PCSK5: variants seen among roughly 807,000 people sequenced by gnomAD.
The protein encoded by PCSK5 is proprotein convertase subtilisin/kexin type 5, also known as prohormone convertase 5.
Under a neutral mutation model 233.2 loss-of-function variants are expected in PCSK5, and 129 were observed. The observed-to-expected ratio is 0.55, with a 90% CI of 0.48 to 0.64. The LOEUF is 0.64. PCSK5 is among the 30% of genes least tolerant of loss of function. The pLI, the probability that PCSK5 is intolerant of heterozygous loss-of-function variation, is 0.00. For synonymous variants in PCSK5, 825 were observed against 879.2 expected (o/e 0.94, Z 1.09); for missense variants, 2,076 against 2,430.1 (o/e 0.85, Z 3.06).
intron 3 of PCSK5, among the ~76,000 whole-genome samples, chr9:75,994,400 C>CTTTTTTTTTTTTTTTTTT (rs550518074): frequency 3.2e-4 from 26 of 82,050 alleles, no homozygotes; most frequent in Non-Finnish European, 4.1e-4. Flanking sequence ...TTCTTTCTTT[C>CTTTTTTTTTTTTTTTTTT]TTTTTTTTTT....
chr9:75,893,367 G>C (rs1477744141), intron 1 of PCSK5, among the ~76,000 whole-genome samples: 1 of 152,048 alleles, frequency 6.6e-6, no homozygotes, highest in Non-Finnish European at 1.5e-5. Flanking sequence ...CTGCCTTTTA[G>C]GGAACCCTTC....
At chr9:76,189,067 G>C in intron 18 of PCSK5, 27 bp from the exon 19 acceptor site, 1 of 1,607,896 alleles carries the variant, frequency 6.2e-7, no homozygotes, top group East Asian at 2.2e-5. Flanking sequence ...TTTATTTCTC[G>C]TTTCCTGTGT....
chr9:76,046,710 G>A lies in PCSK5; in HGVS notation c.632+19673G>A, dbSNP rs189748611. Among the ~76,000 whole-genome samples the A allele has an allele frequency of 1.4e-3, 213 of 150,922 alleles. 1 individual carries two copies. Among genetic ancestry groups the A allele is most frequent in the African/African-American group, 4.9e-3 (200 of 41,096 alleles). ...TGAGTAGCTGGGACTACAGGCACCC[G>A]CCACTACTCCCGGCCAATTTTTTGT... On this transcript the variant is annotated intron_variant, in intron 5 of 37. Transcript: ENST00000674117.
intron 9 of PCSK5, among the ~76,000 whole-genome samples, chr9:76,125,165 C>T (rs1330399327): frequency 2.0e-5 from 3 of 151,832 alleles, no homozygotes; most frequent in Non-Finnish European, 4.4e-5. Flanking sequence ...TATGTCCTTG[C>T]TCTGCTTAGC....
chr9:76,252,427 G>A (rs1826841299), intron 24 of PCSK5, among the ~76,000 whole-genome samples: 1 of 152,172 alleles, frequency 6.6e-6, no homozygotes, highest in Admixed American at 6.5e-5. Context: ...CAGTGACACT[G>A]TTCTTCATAG....
chr9:76,321,888 C>T (rs1573854), intron 31 of PCSK5, among the ~76,000 whole-genome samples: 52,507 of 152,038 alleles, frequency 0.35, 9,473 homozygotes, highest in African/African-American at 0.43. Context: ...TATGTACACA[C>T]ACAGCAGATG....
intron 24 of PCSK5, among the ~76,000 whole-genome samples, chr9:76,280,000 A>T (rs1183454992): frequency 2.0e-5 from 3 of 152,022 alleles, no homozygotes; most frequent in African/African-American, 7.2e-5. Flanking sequence ...TGCCTAGCAC[A>T]TGTTGCATTT....
intron 24 of PCSK5, among the ~76,000 whole-genome samples, chr9:76,250,881 T>C (rs1826779749): frequency 6.6e-6 from 1 of 152,342 alleles, no homozygotes; most frequent in Middle Eastern, 3.4e-3. Context: ...GTTGGAGTGA[T>C]TGCATGACTA....
At chr9:76,248,136 A>G (rs1285556737) in intron 24 of PCSK5, among the ~76,000 whole-genome samples, 3 of 151,848 alleles carry the variant, frequency 2.0e-5, no homozygotes, top group Non-Finnish European at 2.9e-5. Context: ...CACTATACTT[A>G]CCAGGCTGGT....
intron 3 of PCSK5, among the ~76,000 whole-genome samples, chr9:75,989,396 A>T (rs2131399856): frequency 6.6e-6 from 1 of 152,102 alleles, no homozygotes; most frequent in East Asian, 1.9e-4. Context: ...TGGGAGGCTG[A>T]GGTGGGAAGA....
intron 20 of PCSK5, among the ~76,000 whole-genome samples, chr9:76,218,120 C>G (rs1168819724): frequency 6.6e-6 from 1 of 152,148 alleles, no homozygotes; most frequent in African/African-American, 2.4e-5. Flanking sequence ...TGATGAAACT[C>G]TGCTGGGGAA....
intron 26 of PCSK5, 62 bp downstream of exon 26, chr9:76,295,473 G>C (rs1828410904): frequency 1.3e-6 from 2 of 1,489,772 alleles, no homozygotes. Context: ...ACACAGTCGG[G>C]GCCACAGGAG....
chr9:76,323,075 C>A lies in PCSK5; in HGVS notation c.4126C>A (p.His1376Asn). The A allele has an allele frequency of 6.2e-7, 1 of 1,605,088 alleles. No homozygotes were observed. The highest frequency in any genetic ancestry group is 8.5e-7 in the Non-Finnish European group (1 of 1,175,358). The change falls in exon 32 of 38, where the codon CAC becomes AAC. Residue 1376 changes from histidine to asparagine, a missense_variant. Coordinates refer to ENST00000674117, the MANE Select transcript of PCSK5 (RefSeq NM_001372043.1). ...AGAGTGCACGCCTGAGTTCTTCCTG[C>A]ACGATGATATGTGCCACCAGTCCTG... ...CKECTPEFFLHDDMCHQSCPR... is the reference protein window; with the variant it reads ...CKECTPEFFLNDDMCHQSCPR...
intron 36 of PCSK5, among the ~76,000 whole-genome samples, chr9:76,352,516 A>G (rs986769046): frequency 6.6e-5 from 10 of 152,058 alleles, no homozygotes; most frequent in African/African-American, 2.4e-4. Flanking sequence ...AATGCTTCTG[A>G]CCACGATGCC....
intron 1 of PCSK5, among the ~76,000 whole-genome samples, chr9:75,920,165 A>C (rs1823186339): frequency 6.6e-6 from 1 of 152,206 alleles, no homozygotes; most frequent in South Asian, 2.1e-4. Flanking sequence ...CTCAAAAAAA[A>C]GAAACATCTC....
At chr9:76,228,886 C>G (rs1825983327) in intron 21 of PCSK5, among the ~76,000 whole-genome samples, 1 of 151,962 alleles carries the variant, frequency 6.6e-6, no homozygotes, top group Non-Finnish European at 1.5e-5. Flanking sequence ...GTGTTTTTTC[C>G]TTTATTCCCC....
chr9:76,328,724 T>C (rs1829444177), intron 33 of PCSK5, among the ~76,000 whole-genome samples: 1 of 152,216 alleles, frequency 6.6e-6, no homozygotes, highest in Admixed American at 6.5e-5. Flanking sequence ...AATACTTTAA[T>C]ATACTATCCA....
chr9:76,074,124 G>C (rs1399717037), intron 7 of PCSK5, among the ~76,000 whole-genome samples: 1 of 152,136 alleles, frequency 6.6e-6, no homozygotes, highest in Non-Finnish European at 1.5e-5. Context: ...GGTAACCACT[G>C]TTAAGAGTAT....
chr9:76,082,607 C>T (rs1027269904), intron 7 of PCSK5, among the ~76,000 whole-genome samples: 1 of 151,450 alleles, frequency 6.6e-6, no homozygotes, highest in Non-Finnish European at 1.5e-5. Context: ...AAGCGAGCTC[C>T]GAAAGTCCCT....
Sources: allele counts gnomAD v4.1 joint callset (sites outside exome capture counted in the v4.1 genomes callset), GRCh38; gene constraint gnomAD v4.1.1; transcripts MANE v1.5; gene names NCBI Gene and HGNC (gene_info 2026-07-23, HGNC 2026-07-21).